ZNF492: variants seen among roughly 807,000 people sequenced by gnomAD.
ZNF492 encodes zinc finger protein 492.
Under a neutral mutation model 6.4 loss-of-function variants are expected in ZNF492, and 3 were observed. The observed-to-expected ratio is 0.47, with a 90% confidence interval of 0.21 to 1.22. The LOEUF is 1.22. Ranked by LOEUF, ZNF492 falls within the 50% of genes most tolerant of loss-of-function variation. ZNF492 has a pLI of 0.22. For missense variants in ZNF492, 356 were observed against 612.5 expected (o/e 0.58, Z 4.42); for synonymous variants, 112 against 205.3 (o/e 0.55, Z 3.89).
chr19:22,647,950 T>G (rs1433759929), intron 1 of ZNF492, among the ~76,000 whole-genome samples: 1 of 151,920 alleles, frequency 6.6e-6, no homozygotes, highest in Non-Finnish European at 1.5e-5. Flanking sequence ...CAGAGGCTGG[T>G]CTTGCTCTCC....
chr19:22,648,731 G>T (rs941326808), intron 1 of ZNF492, among the ~76,000 whole-genome samples: 2 of 152,090 alleles, frequency 1.3e-5, no homozygotes, highest in African/African-American at 2.4e-5. Flanking sequence ...ATCTTTGTTG[G>T]TTTAAAGTCT....
chr19:22,637,020 A>G (rs73028793), intron 1 of ZNF492, among the ~76,000 whole-genome samples: 23,789 of 137,574 alleles, frequency 0.17, 2,611 homozygotes, highest in African/African-American at 0.33. Context: ...GAAGTGGTGC[A>G]GTTTGACTCA....
At chr19:22,662,956 A>G (rs1190887447) in intron 3 of ZNF492, among the ~76,000 whole-genome samples, 9 of 152,116 alleles carry the variant, frequency 5.9e-5, no homozygotes, top group Admixed American at 5.2e-4. Flanking sequence ...CCATTTGTCA[A>G]TTTTGGCTTT....
Position 22,665,193 on chromosome 19 carries a change from A to T in ZNF492, c.1524A>T (p.Glu508Asp). 1 of 1,602,876 alleles carries T rather than the reference A, an allele frequency of 6.2e-7. No individual in the cohort carries two copies. Among genetic ancestry groups the T allele is most frequent in the East Asian group, 2.2e-5 (1 of 44,772 alleles). Reference protein sequence around the residue: ...IHTGEKLYKPESCNNACDNIA... With the variant: ...IHTGEKLYKPDSCNNACDNIA... Reference sequence around the variant, plus strand: ...CTGGAGAGAAACTCTACAAACCTGAAAGTTGTAACAATGCTTGTGACAACA... The same window carrying T: ...CTGGAGAGAAACTCTACAAACCTGATAGTTGTAACAATGCTTGTGACAACA... Residue 508 changes from glutamate to aspartate, a missense_variant, in exon 4 of 4, where the codon GAA becomes GAT. Physicochemically the swap from Glu to Asp is conservative, Grantham distance 45. Around this residue, in one of 7 missense-constraint regions of ZNF492, gnomAD observed 81 missense variants for 115.4 expected, o/e 0.70. Transcript: ENST00000456783.
chr19:22,655,502 G>A (rs1971985230), intron 3 of ZNF492, among the ~76,000 whole-genome samples: 1 of 151,750 alleles, frequency 6.6e-6, no homozygotes, highest in Non-Finnish European at 1.5e-5. Context: ...TGTTTAAAGT[G>A]TATGGAACCA....
At chr19:22,638,600 G>A (rs1971791404) in intron 1 of ZNF492, among the ~76,000 whole-genome samples, 1 of 152,044 alleles carries the variant, frequency 6.6e-6, no homozygotes, top group African/African-American at 2.4e-5. Context: ...GTACCATGTT[G>A]CTTTGTTTAC....
Position 22,664,235 on chromosome 19 carries a change from G to A in ZNF492, c.566G>A (p.Arg189Lys). ...NETSNLSTHK[R>K]IHTGKKPYKC... is the part of the protein sequence containing the mutation. ...ACCTCAAACCTTTCTACACATAAAA[G>A]AATTCATACTGGAAAGAAACCCTAC... Residue 189 changes from arginine (R) to lysine (K), a missense_variant, in exon 4 of 4, where the codon AGA becomes AAA. Transcript: ENST00000456783. The A allele has an allele frequency of 1.2e-6, 2 of 1,611,308 alleles. No individual in the cohort carries two copies. The highest frequency in any genetic ancestry group is 1.7e-6 in the Non-Finnish European group (2 of 1,178,598).
chr19:22,646,395 A>T (rs1183516088), intron 1 of ZNF492, among the ~76,000 whole-genome samples: 2 of 152,212 alleles, frequency 1.3e-5, no homozygotes, highest in Non-Finnish European at 2.9e-5. Flanking sequence ...GAAGTTACTT[A>T]TCAGCTTAAG....
At chr19:22,660,927 T>TC (rs199598929) in intron 3 of ZNF492, among the ~76,000 whole-genome samples, 14,999 of 149,568 alleles carry the variant, frequency 0.1, 836 homozygotes, top group Middle Eastern at 0.15. Context: ...TTTTTTTTTT[T>TC]TCCCCTCAGG....
intron 1 of ZNF492, among the ~76,000 whole-genome samples, chr19:22,642,571 A>G (rs2145245262): frequency 6.6e-6 from 1 of 150,828 alleles, no homozygotes; most frequent in South Asian, 2.1e-4. Context: ...TTATACTTTT[A>G]GTAGAGACGG....
In ZNF492 at chr19:22,663,836, A is replaced by G; in HGVS notation, c.167A>G (p.Lys56Arg). The G allele has an allele frequency of 6.5e-7, 1 of 1,549,574 alleles. No homozygotes were observed. Among genetic ancestry groups the G allele is most frequent in the South Asian group, 1.3e-5 (1 of 79,188 alleles). Residue 56 changes from lysine to arginine, a missense_variant, in exon 4 of 4, where the codon AAG becomes AGG. Around this residue, in one of 7 missense-constraint regions of ZNF492, gnomAD observed 196 missense variants for 219.4 expected, o/e 0.89. Transcript: ENST00000456783. ...TATTTTGCCCGAGACCTTTGGCCAA[A>G]GCAGGGCAAAAAAAATTATTTCCAA... is the stretch of plus-strand genomic sequence containing the variant. ...CSYFARDLWP[K>R]QGKKNYFQKV...
chr19:22,660,660 A>G (rs755512745), intron 3 of ZNF492, among the ~76,000 whole-genome samples: 8 of 150,898 alleles, frequency 5.3e-5, no homozygotes, highest in Non-Finnish European at 1.0e-4. Context: ...TTTCTGCACC[A>G]TTATGATAAT....
chr19:22,636,073 G>A (rs1971758577), intron 1 of ZNF492, among the ~76,000 whole-genome samples: 2 of 151,550 alleles, frequency 1.3e-5, no homozygotes, highest in Non-Finnish European at 2.9e-5. Context: ...TTGTGTTTAC[G>A]TGTTCTTATT....
chr19:22,636,416 A>G (rs1478646989), intron 1 of ZNF492, among the ~76,000 whole-genome samples: 1 of 151,784 alleles, frequency 6.6e-6, no homozygotes. Context: ...CTTAGAAACA[A>G]CATGCATTTG....
At chr19:22,636,957 C>CTTT (rs35144612) in intron 1 of ZNF492, among the ~76,000 whole-genome samples, 4 of 106,530 alleles carry the variant, frequency 3.8e-5, no homozygotes, top group African/African-American at 8.4e-5. Flanking sequence ...TTTAGTAAAC[C>CTTT]TTTTTTTTTT....
intron 3 of ZNF492, among the ~76,000 whole-genome samples, chr19:22,654,314 G>A (rs1473996142): frequency 2.0e-5 from 3 of 152,020 alleles, no homozygotes; most frequent in Non-Finnish European, 4.4e-5. Context: ...CACTGTTTTT[G>A]AAAACACGTA....
chr19:22,655,810 C>CTT (rs1568355644), intron 3 of ZNF492, among the ~76,000 whole-genome samples: 1 of 59,380 alleles, frequency 1.7e-5, no homozygotes, highest in African/African-American at 7.4e-5. Context: ...TCAAGTTTTT[C>CTT]TTGTTGTTTT....
At chr19:22,635,556 T>G (rs375909760) in intron 1 of ZNF492, among the ~76,000 whole-genome samples, 4 of 152,246 alleles carry the variant, frequency 2.6e-5, no homozygotes, top group African/African-American at 9.6e-5. Flanking sequence ...ATCCCGATAG[T>G]GAATTGTAAA....
chr19:22,653,312 G>A lies in ZNF492; in HGVS notation c.-88G>A, dbSNP rs1971960631. 10 of 1,612,674 alleles carry A rather than the reference G, an allele frequency of 6.2e-6. No individual in the cohort carries two copies. Among genetic ancestry groups the A allele is most frequent in the Middle Eastern group, 3.3e-4 (2 of 6,056 alleles). ...TGTGTTTGTATGTTTTTCAGGGAGTGTTGACATTTAGGGATGTGGCCATAG... is the reference window on the plus strand; with the variant it reads ...TGTGTTTGTATGTTTTTCAGGGAGTATTGACATTTAGGGATGTGGCCATAG... On this transcript the variant is annotated 5_prime_UTR_variant, in exon 2 of 4. Coordinates refer to ENST00000456783, the MANE Select transcript of ZNF492 (RefSeq NM_020855.3).
Sources: allele counts gnomAD v4.1 joint callset (sites outside exome capture counted in the v4.1 genomes callset), GRCh38; gene constraint gnomAD v4.1.1; regional missense constraint gnomAD v4.1.1; transcripts MANE v1.5; gene names NCBI Gene and HGNC (gene_info 2026-07-23, HGNC 2026-07-21).